Variants in GRAP2 observed in about 807,000 individuals in gnomAD.
GRAP2 encodes the protein GRB2-related adapter protein 2.
In GRAP2, 31 loss-of-function variants were observed where a neutral mutation model predicts 43.5. That is an observed-to-expected ratio of 0.71 (90% confidence interval 0.54 to 0.96). The LOEUF (loss-of-function observed/expected upper bound fraction) is 0.96. Among genes scored for constraint, GRAP2 ranks in the 40% least tolerant of loss-of-function variants. GRAP2 has a pLI of 0.00. For synonymous variants in GRAP2, 156 were observed against 164.8 expected (o/e 0.95, Z 0.41); for missense variants, 371 against 424.4 (o/e 0.87, Z 1.11).
At chr22:39,969,358 G>T in intron 6 of GRAP2, 53 bp from the exon 7 acceptor site, 1 of 1,606,720 alleles carries the variant, frequency 6.2e-7, no homozygotes, top group Non-Finnish European at 8.5e-7. Flanking sequence ...TGGGGGAACC[G>T]GTGGGAGATG....
chr22:39,903,444 A>G (rs1401198219), intron 1 of GRAP2, among the ~76,000 whole-genome samples: 1 of 150,882 alleles, frequency 6.6e-6, no homozygotes, highest in African/African-American at 2.4e-5. Context: ...AAAATAAATA[A>G]TAATAATGAT....
intron 1 of GRAP2, among the ~76,000 whole-genome samples, chr22:39,929,931 G>A (rs1026187810): frequency 6.6e-6 from 1 of 152,100 alleles, no homozygotes; most frequent in African/African-American, 2.4e-5. Context: ...CTCAAGAGTC[G>A]TTCTAGACCT....
At chr22:39,951,848 C>A (rs2066986481) in intron 2 of GRAP2, among the ~76,000 whole-genome samples, 2 of 151,970 alleles carry the variant, frequency 1.3e-5, no homozygotes, top group Non-Finnish European at 2.9e-5. Context: ...GGTAAAGAGC[C>A]TGCAAATTCA....
rs201763751 is a variant in GRAP2 at position 39,970,973 on chromosome 22, C to T, written c.882C>T (p.Ser294=). The T allele has an allele frequency of 6.4e-5, 104 of 1,613,570 alleles. No individual in the cohort carries two copies. The East Asian group carries it at 1.4e-3, about 22-fold the overall frequency. The change falls in exon 8 of 8, where the codon AGC becomes AGT. Residue 294 remains serine (S), a synonymous_variant. Transcript: ENST00000344138. ...AGGATGACGAGCTGGGGTTCCACAGCGGGGAGGTGGTGGAGGTCCTGGATA... is the reference window on the plus strand; with the variant it reads ...AGGATGACGAGCTGGGGTTCCACAGTGGGGAGGTGGTGGAGGTCCTGGATA... ...ALEDDELGFH[S]GEVVEVLDSS...
chr22:39,915,089 C>T (rs564861903), intron 1 of GRAP2, among the ~76,000 whole-genome samples: 7 of 148,220 alleles, frequency 4.7e-5, no homozygotes, highest in East Asian at 4.0e-4. Context: ...CTCAGGAGGC[C>T]GAGGTGGGAG....
intron 1 of GRAP2, among the ~76,000 whole-genome samples, chr22:39,909,238 A>G (rs2145572632): frequency 6.6e-6 from 1 of 152,324 alleles, no homozygotes; most frequent in Non-Finnish European, 1.5e-5. Context: ...GTACCCTGTA[A>G]GTATCCAAAT....
chr22:39,932,674 C>G (rs933545849), intron 1 of GRAP2, among the ~76,000 whole-genome samples: 5 of 150,954 alleles, frequency 3.3e-5, no homozygotes, highest in Non-Finnish European at 5.9e-5. Context: ...GCCCTGATTG[C>G]CTCACTGCAC....
In GRAP2 at chr22:39,969,467, C is replaced by T; in HGVS notation, c.747C>T (p.Gly249=). 1 of 1,613,958 alleles carries T rather than the reference C, an allele frequency of 6.2e-7. No individual in the cohort carries two copies. Among genetic ancestry groups the T allele is most frequent in the Non-Finnish European group, 8.5e-7 (1 of 1,179,902 alleles). The change falls in exon 7 of 8, where the codon GGC becomes GGT. Residue 249 remains glycine, a synonymous_variant. Coordinates refer to ENST00000344138, the MANE Select transcript of GRAP2 (RefSeq NM_004810.4). ...INDGHCGTGL[G]SEMNAALMHR... is the part of the protein sequence containing the mutation. ...ATGGGCATTGTGGCACCGGCTTGGG[C>T]AGTGAAATGAATGCGGCCCTCATGC...
intron 3 of GRAP2, among the ~76,000 whole-genome samples, chr22:39,957,351 C>T (rs1569212737): frequency 6.6e-6 from 1 of 152,186 alleles, no homozygotes; most frequent in Non-Finnish European, 1.5e-5. Context: ...GTGCATCACT[C>T]TTAGCCCGTG....
upstream of GRAP2, among the ~76,000 whole-genome samples, chr22:39,898,606 A>T (rs561006155): frequency 2.0e-5 from 3 of 152,324 alleles, no homozygotes; most frequent in South Asian, 6.2e-4. Flanking sequence ...TGAGGTCAGG[A>T]GTTCGAGACC....
intron 1 of GRAP2, among the ~76,000 whole-genome samples, chr22:39,945,152 A>G (rs1217309081): frequency 1.3e-5 from 2 of 152,260 alleles, no homozygotes; most frequent in Non-Finnish European, 2.9e-5. Context: ...AGGTCACAAC[A>G]ATTTTAATTT....
At chr22:39,955,752 G>T (rs1224413398) in intron 2 of GRAP2, 67 bp from the exon 3 acceptor site, 6 of 797,990 alleles carry the variant, frequency 7.5e-6, no homozygotes, top group Non-Finnish European at 1.1e-5. Context: ...TTGCCTGGCA[G>T]CCCCTTTCTC....
In GRAP2 at chr22:39,925,340, A is replaced by G. The variant is rs116059050; in HGVS notation, c.-14-21753A>G. Among the ~76,000 whole-genome samples, 690 of 152,268 alleles carry G rather than the reference A, an allele frequency of 4.5e-3. 6 individuals are homozygous for G. The highest frequency in any genetic ancestry group is 0.016 in the African/African-American group (655 of 41,532). On this transcript the variant is annotated intron_variant, in intron 1 of 7. Coordinates refer to ENST00000344138, the MANE Select transcript of GRAP2 (RefSeq NM_004810.4). ...AATACTTCTTACAGATTCATATGAA[A>G]TTCTGCCTCAATGTGCCTACTGTCT...
intron 1 of GRAP2, among the ~76,000 whole-genome samples, chr22:39,923,411 T>C (rs2066671104): frequency 1.3e-5 from 2 of 152,222 alleles, no homozygotes; most frequent in Non-Finnish European, 2.9e-5. Context: ...GAGGTTTCAT[T>C]TTTCATTTTC....
intron 3 of GRAP2, among the ~76,000 whole-genome samples, chr22:39,958,415 C>A (rs1428961518): frequency 6.6e-6 from 1 of 152,130 alleles, no homozygotes. Context: ...TTATTTTGTT[C>A]TTTTGTGTGT....
At chr22:39,913,218 A>G (rs2066580000) in intron 1 of GRAP2, among the ~76,000 whole-genome samples, 1 of 150,334 alleles carries the variant, frequency 6.7e-6, no homozygotes. Context: ...AAAAGAGGAC[A>G]GGGCTGATGT....
intron 3 of GRAP2, among the ~76,000 whole-genome samples, chr22:39,958,701 C>T (rs973704266): frequency 6.6e-6 from 1 of 152,244 alleles, no homozygotes; most frequent in African/African-American, 2.4e-5. Flanking sequence ...CCTAAATCCC[C>T]TTCACTTCTG....
At chr22:39,915,970 C>A (rs2066599507) in intron 1 of GRAP2, among the ~76,000 whole-genome samples, 1 of 152,174 alleles carries the variant, frequency 6.6e-6, no homozygotes, top group Non-Finnish European at 1.5e-5. Context: ...CTGAGGACTG[C>A]CTGCTCACCA....
chr22:39,951,741 C>T (rs529630677), intron 2 of GRAP2, among the ~76,000 whole-genome samples: 2 of 152,168 alleles, frequency 1.3e-5, no homozygotes, highest in South Asian at 4.2e-4. Context: ...GCCCTGGGCC[C>T]ACAACGGCAG....
Sources: gnomAD v4.1 joint callset for allele counts (sites outside exome capture counted in the v4.1 genomes callset) on GRCh38, gnomAD v4.1.1 for gene constraint, MANE v1.5 for transcripts, NCBI Gene and HGNC (gene_info 2026-07-23, HGNC 2026-07-21) for gene names.